AHI1: variants seen among roughly 807,000 people sequenced by gnomAD.
The protein encoded by AHI1 is jouberin.
In AHI1, 123 loss-of-function variants were observed where a neutral mutation model predicts 149.3. The observed-to-expected ratio is 0.82, with a 90% CI of 0.71 to 0.96. The LOEUF (loss-of-function observed/expected upper bound fraction) is 0.96. Ranked by LOEUF, AHI1 falls within the 40% of genes least tolerant of loss-of-function variation. The pLI, the probability that AHI1 is intolerant of heterozygous loss-of-function variation, is 0.00. For synonymous variants in AHI1, 475 were observed against 459.8 expected, an observed-to-expected ratio of 1.03 and a Z score of -0.42; for missense variants, 1,439 against 1,422.7, an observed-to-expected ratio of 1.01 and a Z score of -0.18.
At chr6:135,449,659 T>C (rs573955453) in intron 11 of AHI1, among the ~76,000 whole-genome samples, 12 of 152,220 alleles carry the variant, frequency 7.9e-5, no homozygotes, top group African/African-American at 2.9e-4. Context: ...TAACAACTGT[T>C]ACTTGTAGAC....
intron 23 of AHI1, among the ~76,000 whole-genome samples, chr6:135,386,667 G>A (rs1358620885): frequency 6.7e-6 from 1 of 149,688 alleles, no homozygotes; most frequent in Non-Finnish European, 1.5e-5. Flanking sequence ...TTTTGCTCTT[G>A]TCATCCAGGC....
intron 22 of AHI1, among the ~76,000 whole-genome samples, chr6:135,399,202 C>G (rs558662818): frequency 2.6e-5 from 4 of 152,064 alleles, no homozygotes; most frequent in Non-Finnish European, 5.9e-5. Flanking sequence ...ATTCTACTTT[C>G]GAATTCCTAC....
In AHI1 at chr6:135,407,967, A is replaced by G. The variant is rs1022878455; in HGVS notation, c.2962-2990T>C. On this transcript the variant is annotated intron_variant, in intron 21 of 28. Coordinates refer to ENST00000265602, the MANE Select transcript of AHI1 (RefSeq NM_001134831.2). Reference sequence around the variant, plus strand: ...GGAGAATGGCGTGAACCCAGGAGGCAGAGCTTGCAGTGAGCTGAGATCGTG... The same window carrying G: ...GGAGAATGGCGTGAACCCAGGAGGCGGAGCTTGCAGTGAGCTGAGATCGTG... 1.1e-3 allele frequency among the ~76,000 whole-genome samples: 168 copies of G among 152,114 alleles called. 1 individual carries two copies. Among genetic ancestry groups the G allele is most frequent in the Non-Finnish European group, 7.1e-4 (48 of 67,962 alleles).
rs188294605 is a variant in AHI1, at chr6:135,399,795, G to A, written c.2989-4899C>T. On this transcript the variant is annotated intron_variant, in intron 22 of 28. Coordinates refer to ENST00000265602, the MANE Select transcript of AHI1 (RefSeq NM_001134831.2). The stretch of plus-strand genomic sequence containing the variant: ...CCTACTTGCCAAGGCCAGAAAGCTG[G>A]GACTCATACTAGATTGCTCACCACG... Among the ~76,000 whole-genome samples the A allele has an allele frequency of 1.9e-3, 292 of 150,836 alleles. 3 individuals carry two copies. Among genetic ancestry groups the A allele is most frequent in the African/African-American group, 6.7e-3 (276 of 41,048 alleles).
At chr6:135,459,012 TAAG>T (rs1012021679) in intron 8 of AHI1, among the ~76,000 whole-genome samples, 4 of 152,148 alleles carry the variant, frequency 2.6e-5, no homozygotes, top group East Asian at 1.9e-4. Context: ...AAAAAATTAA[TAAG>T]AAGAACTGAG....
intron 24 of AHI1, among the ~76,000 whole-genome samples, chr6:135,325,997 G>A (rs1582592300): frequency 6.6e-6 from 1 of 152,082 alleles, no homozygotes; most frequent in African/African-American, 2.4e-5. Flanking sequence ...CCCTTCAGAG[G>A]CACAGGGGTC....
chr6:135,475,280 C>A (rs991650035), intron 5 of AHI1, among the ~76,000 whole-genome samples: 2 of 152,118 alleles, frequency 1.3e-5, no homozygotes, highest in Admixed American at 6.6e-5. Flanking sequence ...CGGCAATTTG[C>A]GTCTTCTTTC....
chr6:135,430,058 T>C, intron 17 of AHI1, 58 bp from the exon 18 acceptor site: 1 of 906,004 alleles, frequency 1.1e-6, no homozygotes. Context: ...TAAACTTTTT[T>C]GGGGGTACAA....
At chr6:135,385,718 A>C (rs1046076080) in intron 23 of AHI1, among the ~76,000 whole-genome samples, 7 of 152,230 alleles carry the variant, frequency 4.6e-5, no homozygotes, top group Non-Finnish European at 2.9e-5. Context: ...GAAGTAACAG[A>C]AGATTCATTT....
rs7749107 is a variant in AHI1 at position 135,488,641 on chromosome 6, C to A, written c.135+1982G>T. Among the ~76,000 whole-genome samples the A allele has an allele frequency of 3.0e-3, 454 of 152,218 alleles. 7 individuals carry two copies. The highest frequency in any genetic ancestry group is 0.014 in the Middle Eastern group (4 of 292). On this transcript the variant is annotated intron_variant, in intron 5 of 28. Coordinates refer to ENST00000265602, the MANE Select transcript of AHI1 (RefSeq NM_001134831.2). ...AGATTTAGAAATAATATTTGTAAAACTCTTATTATTGTGCCTTATATATAA... is the reference window on the plus strand; with the variant it reads ...AGATTTAGAAATAATATTTGTAAAAATCTTATTATTGTGCCTTATATATAA...
intron 24 of AHI1, among the ~76,000 whole-genome samples, chr6:135,354,508 T>C (rs931832854): frequency 6.6e-6 from 1 of 152,184 alleles, no homozygotes; most frequent in African/African-American, 2.4e-5. Flanking sequence ...GGGGGAATAC[T>C]TCCTTATGCT....
intron 5 of AHI1, among the ~76,000 whole-genome samples, chr6:135,489,645 A>G (rs980681832): frequency 1.3e-5 from 2 of 152,152 alleles, no homozygotes; most frequent in African/African-American, 4.8e-5. Flanking sequence ...TGGGAGTGCT[A>G]ATCTGTCCAT....
intron 23 of AHI1, among the ~76,000 whole-genome samples, chr6:135,362,236 G>C (rs965458124): frequency 1.3e-5 from 2 of 152,128 alleles, no homozygotes; most frequent in African/African-American, 4.8e-5. Flanking sequence ...TGCAAATTGT[G>C]CTGCTATATA....
At chr6:135,466,452 T>C in intron 6 of AHI1, 79 bp from the exon 7 acceptor site, 1 of 1,265,806 alleles carries the variant, frequency 7.9e-7, no homozygotes, top group Non-Finnish European at 1.1e-6. Flanking sequence ...TAATTAATAT[T>C]TGACAATGTG....
chr6:135,353,679 T>C (rs999346366), intron 24 of AHI1, among the ~76,000 whole-genome samples: 1 of 152,130 alleles, frequency 6.6e-6, no homozygotes, highest in African/African-American at 2.4e-5. Flanking sequence ...AGATATTATA[T>C]AATCCAAGAG....
At chr6:135,352,161 G>A (rs1792217041) in intron 24 of AHI1, among the ~76,000 whole-genome samples, 1 of 152,118 alleles carries the variant, frequency 6.6e-6, no homozygotes, top group Non-Finnish European at 1.5e-5. Context: ...GCAATTTCAT[G>A]AGCTGCTTTT....
intron 7 of AHI1, among the ~76,000 whole-genome samples, chr6:135,464,732 C>T (rs1469509984): frequency 6.6e-6 from 1 of 152,122 alleles, no homozygotes; most frequent in Non-Finnish European, 1.5e-5. Context: ...GGACCTGAGG[C>T]CTACCAACAA....
At chr6:135,405,617 T>C (rs554183690) in intron 21 of AHI1, among the ~76,000 whole-genome samples, 24 of 151,954 alleles carry the variant, frequency 1.6e-4, no homozygotes, top group African/African-American at 5.1e-4. Context: ...TCCCAGCACT[T>C]TGGGAGGCCG....
chr6:135,427,092 CCAGA>C, intron 20 of AHI1, 71 bp downstream of exon 20: 1 of 1,437,724 alleles, frequency 7.0e-7, no homozygotes, highest in African/African-American at 1.4e-5. Flanking sequence ...CATTTGAATT[CCAGA>C]CAGATTCCTG....
Sources: allele counts gnomAD v4.1 joint callset (sites outside exome capture counted in the v4.1 genomes callset), GRCh38; gene constraint gnomAD v4.1.1; transcripts MANE v1.5; gene names NCBI Gene and HGNC (gene_info 2026-07-23, HGNC 2026-07-21).